Variants in KLHL29 observed in about 807,000 individuals in gnomAD.
KLHL29 encodes kelch-like protein 29.
Under a neutral mutation model 80.4 loss-of-function variants are expected in KLHL29, and 21 were observed. The observed-to-expected ratio is 0.26, with a 90% CI of 0.19 to 0.38. KLHL29 has a LOEUF of 0.38. Among genes scored for constraint, KLHL29 ranks in the 10% least tolerant of loss-of-function variants. The probability of loss-of-function intolerance (pLI) is 1.00; values close to 1 mark genes in which losing one functional copy is unlikely to be tolerated. For synonymous variants in KLHL29, 511 were observed against 526.8 expected (o/e 0.97, Z 0.41); for missense variants, 867 against 1,223.9 (o/e 0.71, Z 4.35).
At chr2:23,621,265 G>A (rs1185077147) in intron 3 of KLHL29, among the ~76,000 whole-genome samples, 1 of 152,202 alleles carries the variant, frequency 6.6e-6, no homozygotes, top group Non-Finnish European at 1.5e-5. Context: ...TCCCAGGGGA[G>A]AGACTGGGGA....
intron 2 of KLHL29, among the ~76,000 whole-genome samples, chr2:23,516,640 G>A (rs1665939838): frequency 6.6e-6 from 1 of 152,178 alleles, no homozygotes; most frequent in Admixed American, 6.5e-5. Flanking sequence ...AAATACATTT[G>A]GAGTTACAAA....
intron 1 of KLHL29, among the ~76,000 whole-genome samples, chr2:23,447,309 G>T (rs1397535711): frequency 2.0e-5 from 3 of 152,156 alleles, no homozygotes; most frequent in Admixed American, 2.0e-4. Context: ...CCCTGGTCCA[G>T]TGCCCATTGA....
At chr2:23,530,599 T>C (rs1015770429) in intron 2 of KLHL29, among the ~76,000 whole-genome samples, 1 of 152,204 alleles carries the variant, frequency 6.6e-6, no homozygotes, top group Non-Finnish European at 1.5e-5. Context: ...TAGCATTTTG[T>C]TTTGGAAAAT....
At chr2:23,674,258 C>G (rs1355346974) in intron 5 of KLHL29, among the ~76,000 whole-genome samples, 1 of 152,042 alleles carries the variant, frequency 6.6e-6, no homozygotes, top group Non-Finnish European at 1.5e-5. Context: ...CCCGCCAGTA[C>G]CTGGCACACA....
chr2:23,650,428 G>A (rs1035343234), intron 5 of KLHL29, among the ~76,000 whole-genome samples: 1 of 152,206 alleles, frequency 6.6e-6, no homozygotes, highest in African/African-American at 2.4e-5. Context: ...AGTGAGTTAA[G>A]TACAAAGGCC....
At chr2:23,542,032 A>C (rs1279000441) in intron 2 of KLHL29, among the ~76,000 whole-genome samples, 2 of 152,214 alleles carry the variant, frequency 1.3e-5, no homozygotes, top group African/African-American at 2.4e-5. Flanking sequence ...CCTGTTGTTA[A>C]GTCATTGTCG....
chr2:23,447,468 C>G (rs756977209), intron 1 of KLHL29, among the ~76,000 whole-genome samples: 3 of 152,196 alleles, frequency 2.0e-5, no homozygotes, highest in Non-Finnish European at 4.4e-5. Flanking sequence ...TGCCTCTGCA[C>G]CTTTCTCCTT....
intron 3 of KLHL29, among the ~76,000 whole-genome samples, chr2:23,618,936 A>T (rs1331901572): frequency 6.6e-6 from 1 of 152,234 alleles, no homozygotes; most frequent in Admixed American, 6.5e-5. Flanking sequence ...AGAACATCAG[A>T]GGCCGTGAAC....
intron 5 of KLHL29, among the ~76,000 whole-genome samples, chr2:23,659,987 G>A (rs1484826007): frequency 6.6e-6 from 1 of 152,036 alleles, no homozygotes; most frequent in Non-Finnish European, 1.5e-5. Flanking sequence ...CAGGCCACCT[G>A]TGCACCACAG....
intron 5 of KLHL29, among the ~76,000 whole-genome samples, chr2:23,660,721 G>A (rs780195443): frequency 4.7e-4 from 71 of 152,208 alleles, no homozygotes; most frequent in Non-Finnish European, 7.8e-4. Context: ...CCTCTTCCCA[G>A]GTCAGTAAGA....
chr2:23,650,550 A>C (rs550754621), intron 5 of KLHL29, among the ~76,000 whole-genome samples: 1 of 152,332 alleles, frequency 6.6e-6, no homozygotes, highest in African/African-American at 2.4e-5. Context: ...TAGCAACCCA[A>C]GATCTTGCAC....
At chr2:23,455,769 A>G (rs1420162580) in intron 1 of KLHL29, among the ~76,000 whole-genome samples, 2 of 152,030 alleles carry the variant, frequency 1.3e-5, no homozygotes, top group African/African-American at 4.8e-5. Context: ...AAATTCTGCC[A>G]TGTGGTTCAT....
chr2:23,616,877 A>T (rs1363979402), intron 3 of KLHL29: 1 of 152,162 alleles, frequency 6.6e-6, no homozygotes. Context: ...GAACACATGG[A>T]GATTCTGACT....
At chr2:23,505,958 G>T (rs999178104) in intron 2 of KLHL29, among the ~76,000 whole-genome samples, 3 of 152,190 alleles carry the variant, frequency 2.0e-5, no homozygotes, top group Non-Finnish European at 4.4e-5. Flanking sequence ...ATGCCAGGCA[G>T]CTCCCAGCCA....
intron 1 of KLHL29, among the ~76,000 whole-genome samples, chr2:23,461,987 T>TTTTTTTTTTTTTTTTTTTA (rs1255962353): frequency 1.3e-5 from 2 of 150,778 alleles, no homozygotes; most frequent in African/African-American, 4.9e-5. Flanking sequence ...TTTTTTTTTT[T>TTTTTTTTTTTTTTTTTTTA]TTAATGACAA....
At chr2:23,399,963 T>C (rs1275045189) in intron 1 of KLHL29, among the ~76,000 whole-genome samples, 1 of 152,214 alleles carries the variant, frequency 6.6e-6, no homozygotes, top group Non-Finnish European at 1.5e-5. Flanking sequence ...CTCCTGTGGG[T>C]GGACATTGAG....
At chr2:23,553,909 C>T (rs1470540061) in intron 2 of KLHL29, among the ~76,000 whole-genome samples, 2 of 152,220 alleles carry the variant, frequency 1.3e-5, no homozygotes, top group South Asian at 2.1e-4. Context: ...CATGCCAGTC[C>T]GTCGCTGGGG....
At chr2:23,391,031 A>G (rs1666310196) in intron 1 of KLHL29, among the ~76,000 whole-genome samples, 1 of 152,190 alleles carries the variant, frequency 6.6e-6, no homozygotes, top group Non-Finnish European at 1.5e-5. Context: ...CTGAAAGTCT[A>G]TACCCGTTAA....
chr2:23,446,390 A>G (rs1211251470), intron 1 of KLHL29, among the ~76,000 whole-genome samples: 1 of 152,148 alleles, frequency 6.6e-6, no homozygotes, highest in Non-Finnish European at 1.5e-5. Flanking sequence ...CTTGAAGTTC[A>G]TCTTGACCCA....
Sources: gnomAD v4.1 joint callset for allele counts (sites outside exome capture counted in the v4.1 genomes callset) on GRCh38, gnomAD v4.1.1 for gene constraint, MANE v1.5 for transcripts, NCBI Gene and HGNC (gene_info 2026-07-23, HGNC 2026-07-21) for gene names.